Variants in TMEM41B observed in about 807,000 individuals in gnomAD.
TMEM41B encodes protein stasimon.
TMEM41B carries 18 observed loss-of-function variants against 31.9 expected under a neutral mutation model. The observed-to-expected ratio is 0.56, with a 90% confidence interval of 0.39 to 0.84. TMEM41B has a LOEUF of 0.84. Among genes scored for constraint, TMEM41B ranks in the 40% least tolerant of loss-of-function variants. TMEM41B has a pLI of 0.00. For synonymous variants in TMEM41B, 144 were observed against 124.3 expected (o/e 1.16, Z -1.05); for missense variants, 322 against 348.0 (o/e 0.93, Z 0.59).
At position 9,282,964 on chromosome 11, in the gene TMEM41B, G is replaced by C. The variant is rs934972911; in HGVS notation, c.*460C>G. On this transcript the variant is annotated 3_prime_UTR_variant, in exon 7 of 7. Coordinates refer to ENST00000528080, the MANE Select transcript of TMEM41B (RefSeq NM_015012.4). ...AGAAAAAAAAAAAAAAAAAAAAAGA[G>C]GAAGAAAATGTAAATCTCTTTTTAA... is the stretch of plus-strand genomic sequence containing the variant. 2 of 146,816 alleles carry C rather than the reference G, an allele frequency of 1.4e-5. No individual in the cohort carries two copies. Among genetic ancestry groups the C allele is most frequent in the African/African-American group, 5.0e-5 (2 of 39,918 alleles). The allele number at this position is 146,816 out of a possible 1,614,324, so 9.1% of individuals were successfully genotyped here. A position where few individuals can be genotyped will look rare whatever the true frequency, so the allele number is the denominator to read the frequency against.
chr11:9,299,851 G>C, intron 1 of TMEM41B, 150 bp from the exon 2 acceptor site: 1 of 649,190 alleles, frequency 1.5e-6, no homozygotes, highest in Non-Finnish European at 2.7e-6. Flanking sequence ...CGGGCACAGT[G>C]ACTCACGCCT....
In TMEM41B at chr11:9,288,196, G is replaced by A. The variant is rs142165437; in HGVS notation, c.462+246C>T. ...TGTGCTCACCAACACTCCTTGGACT[G>A]TCGCAGTTACAAAATCCAATAGGAA... is the stretch of plus-strand genomic sequence containing the variant. On this transcript the variant is annotated intron_variant, in intron 4 of 6. Coordinates refer to ENST00000528080, the MANE Select transcript of TMEM41B (RefSeq NM_015012.4). The A allele has an allele frequency of 1.2e-3, 432 of 362,794 alleles. 4 individuals are homozygous for A. The highest frequency in any genetic ancestry group is 9.0e-3 in the African/African-American group (415 of 46,072). The allele number at this position is 362,794 out of a possible 1,614,324, so 22.5% of individuals were successfully genotyped here. A position where few individuals can be genotyped will look rare whatever the true frequency, so the allele number is the denominator to read the frequency against.
At chr11:9,284,946 G>A (rs1162422002) in intron 6 of TMEM41B, among the ~76,000 whole-genome samples, 2 of 151,980 alleles carry the variant, frequency 1.3e-5, no homozygotes, top group Non-Finnish European at 2.9e-5. Flanking sequence ...TAAATCTCTG[G>A]CTTTCACCTA....
intron 1 of TMEM41B, among the ~76,000 whole-genome samples, chr11:9,306,879 A>G (rs1023660721): frequency 1.3e-5 from 2 of 152,150 alleles, no homozygotes; most frequent in African/African-American, 4.8e-5. Flanking sequence ...CTCCTACTTT[A>G]ATGAGCACCC....
In TMEM41B at chr11:9,281,861, A is replaced by C. The variant is rs1852725096; in HGVS notation, c.*1563T>G. On this transcript the variant is annotated 3_prime_UTR_variant, in exon 7 of 7. Transcript: ENST00000528080. ...TTCTAGGTGTATCATGCATAAAAAG[A>C]ATAATTACATAATATTATTAAATAT... 1 of 152,230 alleles carries C rather than the reference A, an allele frequency of 6.6e-6. No individual in the cohort carries two copies. The highest frequency in any genetic ancestry group is 2.1e-4 in the South Asian group (1 of 4,836). 9.4% of individuals were successfully genotyped at this position (152,230 alleles called of 1,614,324 possible).
chr11:9,295,397 T>G lies in TMEM41B; in HGVS notation c.240-10A>C. ...ATTCACTCTTTCTTCTCTGAAGAAA[T>G]AAAGTGAAAAATTTTAGAACAGAAT... is the stretch of plus-strand genomic sequence containing the variant. On this transcript the variant is annotated splice_polypyrimidine_tract_variant and intron_variant, in intron 2 of 6. Coordinates refer to ENST00000528080, the MANE Select transcript of TMEM41B (RefSeq NM_015012.4). 6.6e-7 allele frequency: 1 copy of G among 1,516,462 alleles called. No individual in the cohort carries two copies. Among genetic ancestry groups the G allele is most frequent in the South Asian group, 1.2e-5 (1 of 80,714 alleles). The allele number at this position is 1,516,462 out of a possible 1,614,324, so 93.9% of individuals were successfully genotyped here.
At chr11:9,300,436 G>C (rs1853220460) in intron 1 of TMEM41B, among the ~76,000 whole-genome samples, 1 of 152,120 alleles carries the variant, frequency 6.6e-6, no homozygotes, top group Non-Finnish European at 1.5e-5. Context: ...ATTCACAAAT[G>C]CAACTGGTGA....
At position 9,281,537 on chromosome 11, in the gene TMEM41B, C is replaced by T. The variant is rs1852719162; in HGVS notation, c.*1887G>A. The T allele has an allele frequency of 1.3e-5, 2 of 152,200 alleles. No individual in the cohort carries two copies. Among genetic ancestry groups the T allele is most frequent in the African/African-American group, 4.8e-5 (2 of 41,436 alleles). 9.4% of individuals were successfully genotyped at this position (152,200 alleles called of 1,614,324 possible). On this transcript the variant is annotated 3_prime_UTR_variant, in exon 7 of 7. Transcript: ENST00000528080. The stretch of plus-strand genomic sequence containing the variant: ...TTATAATAAAAACATACAAGGATTT[C>T]TCACAGCTAAAGTACTTTTCAACTT...
At chr11:9,288,095 TC>T in intron 4 of TMEM41B, 5 of 392,734 alleles carry the variant, frequency 1.3e-5, no homozygotes, top group East Asian at 5.2e-5. Context: ...AATTTCCACC[TC>T]CCCCCGACCC....
chr11:9,305,297 TATG>T (rs1348537186), intron 1 of TMEM41B, among the ~76,000 whole-genome samples: 4 of 152,108 alleles, frequency 2.6e-5, no homozygotes, highest in Non-Finnish European at 5.9e-5. Flanking sequence ...GGATGTCCAT[TATG>T]ATAATTTATA....
At chr11:9,308,400 A>G (rs1853453029) in intron 1 of TMEM41B, among the ~76,000 whole-genome samples, 1 of 152,156 alleles carries the variant, frequency 6.6e-6, no homozygotes, top group Non-Finnish European at 1.5e-5. Flanking sequence ...CTTGCTAAAT[A>G]AAATATTCCA....
At chr11:9,299,325 T>TACATACACACACAC (rs1554943934) in intron 2 of TMEM41B, among the ~76,000 whole-genome samples, 2 of 123,144 alleles carry the variant, frequency 1.6e-5, no homozygotes, top group African/African-American at 3.0e-5. Flanking sequence ...TATACATACA[T>TACATACACACACAC]ACACACACAC....
intron 2 of TMEM41B, among the ~76,000 whole-genome samples, chr11:9,297,299 G>C (rs1369154399): frequency 6.6e-6 from 1 of 152,126 alleles, no homozygotes; most frequent in East Asian, 1.9e-4. Context: ...TAGCCAGTCT[G>C]GTCTCAAACT....
intron 4 of TMEM41B, 106 bp from the exon 5 acceptor site, chr11:9,287,912 G>T: frequency 1.2e-6 from 1 of 814,774 alleles, no homozygotes; most frequent in Non-Finnish European, 2.0e-6. Context: ...TTCAGAGGTG[G>T]GGAGGGTACT....
chr11:9,296,603 CAAAAAAA>C (rs1164835040), intron 2 of TMEM41B, among the ~76,000 whole-genome samples: 3 of 118,902 alleles, frequency 2.5e-5, no homozygotes, highest in African/African-American at 1.1e-4. Context: ...GACTCCGTCT[CAAAAAAA>C]AAAAAAAAAA....
intron 2 of TMEM41B, among the ~76,000 whole-genome samples, chr11:9,298,708 C>T (rs1426553586): frequency 6.7e-6 from 1 of 150,302 alleles, no homozygotes; most frequent in Admixed American, 6.6e-5. Context: ...AGGCAGAGAT[C>T]ACAGTAAGCC....
chr11:9,310,543 CTCT>C (rs1853532287), intron 1 of TMEM41B, among the ~76,000 whole-genome samples: 1 of 151,944 alleles, frequency 6.6e-6, no homozygotes, highest in Non-Finnish European at 1.5e-5. Context: ...TAGTCCAGCT[CTCT>C]TAAGTTAAAA....
intron 6 of TMEM41B, among the ~76,000 whole-genome samples, chr11:9,285,617 C>A (rs1186339773): frequency 6.6e-6 from 1 of 152,044 alleles, no homozygotes; most frequent in African/African-American, 2.4e-5. Flanking sequence ...TGATTAATTT[C>A]AAAATCAAGT....
chr11:9,290,277 C>T (rs1852925803), intron 3 of TMEM41B, among the ~76,000 whole-genome samples: 1 of 152,006 alleles, frequency 6.6e-6, no homozygotes, highest in African/African-American at 2.4e-5. Flanking sequence ...CTCGGGAAGC[C>T]AAGGCAGGGG....
Sources: gnomAD v4.1 joint callset for allele counts (sites outside exome capture counted in the v4.1 genomes callset) on GRCh38, gnomAD v4.1.1 for gene constraint, MANE v1.5 for transcripts, NCBI Gene and HGNC (gene_info 2026-07-23, HGNC 2026-07-21) for gene names.